The following RARB variants were observed in gnomAD, a reference collection of about 807,000 sequenced individuals.
RARB encodes HBV-activated protein.
A neutral mutation model predicts 51.9 loss-of-function variants in RARB; 17 were observed. The observed-to-expected ratio is 0.33, with a 90% CI of 0.22 to 0.49. RARB has a LOEUF of 0.49. Among genes scored for constraint, RARB ranks in the 20% least tolerant of loss-of-function variants. The pLI, the probability that RARB is intolerant of heterozygous loss-of-function variation, is 0.99. For missense variants in RARB, 369 were observed against 550.8 expected (o/e 0.67, Z 3.30); for synonymous variants, 215 against 195.4 (o/e 1.10, Z -0.84).
At chr3:25,354,529 A>G (rs1186637144) in intron 5 of RARB, among the ~76,000 whole-genome samples, 1 of 152,158 alleles carries the variant, frequency 6.6e-6, no homozygotes, top group Non-Finnish European at 1.5e-5. Flanking sequence ...ATCATAAGCC[A>G]TGGAATACCT....
At chr3:25,153,468 T>TGG (rs145779320) in intron 4 of RARB, among the ~76,000 whole-genome samples, 12,873 of 152,218 alleles carry the variant, frequency 0.085, 715 homozygotes, top group Non-Finnish European at 0.13. Flanking sequence ...TTGTACGACT[T>TGG]CTGCTGTTAT....
chr3:25,367,117 A>G (rs1284513184), intron 5 of RARB, among the ~76,000 whole-genome samples: 4 of 152,184 alleles, frequency 2.6e-5, no homozygotes, highest in African/African-American at 9.6e-5. Context: ...TCTAAAAAAG[A>G]TTCTCTCCAG....
chr3:25,581,192 C>T (rs552826472), intron 5 of RARB, among the ~76,000 whole-genome samples: 42 of 152,260 alleles, frequency 2.8e-4, no homozygotes, highest in African/African-American at 5.5e-4. Flanking sequence ...GGAGTGCGTT[C>T]GTGTGCTTAA....
chr3:25,593,411 T>C, intron 5 of RARB, 92 bp from the exon 6 acceptor site: 1 of 1,234,508 alleles, frequency 8.1e-7, no homozygotes, highest in Non-Finnish European at 1.2e-6. Flanking sequence ...AAGAGCTCCT[T>C]GGAAATCTTC....
intron 5 of RARB, among the ~76,000 whole-genome samples, chr3:25,210,529 C>CTTTTTTTTTTTTTTGTTTTTTTTTTTTT (rs1701667980): frequency 3.6e-5 from 1 of 27,618 alleles, no homozygotes; most frequent in Non-Finnish European, 8.7e-5. Flanking sequence ...TTATCTGATT[C>CTTTTTTTTTTTTTTGTTTTTTTTTTTTT]TTTTTTTTTT....
chr3:25,334,836 A>G (rs975473527), intron 5 of RARB, among the ~76,000 whole-genome samples: 4 of 152,212 alleles, frequency 2.6e-5, no homozygotes, highest in Admixed American at 6.5e-5. Flanking sequence ...ATGTATGTAT[A>G]TTACTTTCAC....
intron 5 of RARB, among the ~76,000 whole-genome samples, chr3:25,356,527 T>TA (rs998846445): frequency 3.1e-4 from 47 of 151,900 alleles, no homozygotes; most frequent in African/African-American, 1.1e-3. Flanking sequence ...TCTTTTTTTT[T>TA]ATTATACTTT....
At chr3:25,492,281 T>C (rs1353510769) in intron 2 of RARB, among the ~76,000 whole-genome samples, 2 of 152,228 alleles carry the variant, frequency 1.3e-5, no homozygotes, top group Admixed American at 1.3e-4. Context: ...TAGAAAAAGA[T>C]ATATTTTCAC....
At chr3:25,262,896 A>G (rs1703040067) in intron 5 of RARB, among the ~76,000 whole-genome samples, 1 of 152,176 alleles carries the variant, frequency 6.6e-6, no homozygotes, top group Non-Finnish European at 1.5e-5. Flanking sequence ...ATTCCACATT[A>G]GTAAATATTG....
Position 24,877,346 on chromosome 3 carries a change from C to CTTTTTTTAT in RARB, c.-380+18601_-380+18602insATTTTTTTT, listed in dbSNP as rs1553609940. ...ATAGTAATTTTTTAAAGCAATCTTA[C>CTTTTTTTAT]TTTTTTTTTTTTTTTTTGGAAAATT... is the stretch of plus-strand genomic sequence containing the variant. On this transcript the variant is annotated intron_variant, in intron 2 of 11. Coordinates refer to the RARB transcript ENST00000383772. Among the ~76,000 whole-genome samples the CTTTTTTTAT allele has an allele frequency of 3.7e-5, 3 of 81,892 alleles. 1 individual carries two copies. Among genetic ancestry groups the CTTTTTTTAT allele is most frequent in the Non-Finnish European group, 6.5e-5 (3 of 45,932 alleles). 53.7% of individuals were successfully genotyped at this position (81,892 alleles called of 152,430 possible).
chr3:25,354,552 A>G (rs1296184394), intron 5 of RARB, among the ~76,000 whole-genome samples: 2 of 152,176 alleles, frequency 1.3e-5, no homozygotes, highest in Non-Finnish European at 2.9e-5. Context: ...CCATGGTACA[A>G]GCAAACCGAG....
intron 5 of RARB, among the ~76,000 whole-genome samples, chr3:25,343,503 A>AGC (rs1473439378): frequency 1.3e-5 from 2 of 151,956 alleles, no homozygotes; most frequent in South Asian, 2.1e-4. Context: ...TAGAACATGA[A>AGC]GCCCTGAGTT....
chr3:25,311,865 C>A (rs1368390733), intron 5 of RARB, among the ~76,000 whole-genome samples: 2 of 152,180 alleles, frequency 1.3e-5, no homozygotes, highest in African/African-American at 2.4e-5. Context: ...TGGATACTCA[C>A]ACTCAAGCTC....
chr3:25,587,277 A>C (rs538084101), intron 5 of RARB, among the ~76,000 whole-genome samples: 1 of 152,334 alleles, frequency 6.6e-6, no homozygotes, highest in Non-Finnish European at 1.5e-5. Flanking sequence ...GCTGCTAGGC[A>C]ATAGCACCTG....
At chr3:24,919,968 T>C (rs1470575943) in intron 2 of RARB, among the ~76,000 whole-genome samples, 1 of 152,214 alleles carries the variant, frequency 6.6e-6, no homozygotes, top group Non-Finnish European at 1.5e-5. Flanking sequence ...AACATGTTCA[T>C]TTTGTAATAA....
At chr3:25,508,894 T>TAAA (rs11369682) in intron 3 of RARB, among the ~76,000 whole-genome samples, 8 of 146,784 alleles carry the variant, frequency 5.5e-5, no homozygotes, top group African/African-American at 1.5e-4. Context: ...TTAGGAGATT[T>TAAA]AAAAAAAAAA....
In RARB at chr3:25,240,230, G is replaced by A. The variant is rs1223976594; in HGVS notation, c.178+65655G>A. Among the ~76,000 whole-genome samples the A allele has an allele frequency of 4.6e-5, 7 of 152,084 alleles. No individual in the cohort carries two copies. The East Asian group carries it at 9.7e-4, about 21-fold the overall frequency. ...TTTATTAGGTGTAAGAATTTTGGTGGAGTCTTTAGGTTTTTCTAGATATAA... is the reference window on the plus strand; with the variant it reads ...TTTATTAGGTGTAAGAATTTTGGTGAAGTCTTTAGGTTTTTCTAGATATAA... On this transcript the variant is annotated intron_variant, in intron 5 of 11. Transcript: ENST00000383772.
rs923131968 is a variant in RARB at position 25,320,465 on chromosome 3, G to A, written c.179-140728G>A. ...CTTTCCAGGGCCAGGACATACAACC[G>A]AAAGTTTGGCCAATGAGAGGCCTGT... On this transcript the variant is annotated intron_variant, in intron 5 of 11. Coordinates refer to the RARB transcript ENST00000383772. 2.6e-5 allele frequency among the ~76,000 whole-genome samples: 4 copies of A among 152,100 alleles called. No individual in the cohort carries two copies. In the East Asian group the frequency reaches 5.8e-4, roughly 22 times the overall value.
Position 25,136,712 on chromosome 3 carries a change from T to C in RARB, c.-280+4504T>C, listed in dbSNP as rs542264869. 7.2e-5 allele frequency among the ~76,000 whole-genome samples: 11 copies of C among 152,000 alleles called. No individual in the cohort carries two copies. The East Asian group carries it at 1.4e-3, about 19-fold the overall frequency. Reference sequence around the variant, plus strand: ...GTGTGCTAACTGGGAGGGAAGATGATTTAATAGGTGTAGTAGGACTGGATT... The same window carrying C: ...GTGTGCTAACTGGGAGGGAAGATGACTTAATAGGTGTAGTAGGACTGGATT... On this transcript the variant is annotated intron_variant, in intron 4 of 11. Transcript: ENST00000383772.
Sources: allele counts gnomAD v4.1 joint callset (sites outside exome capture counted in the v4.1 genomes callset), GRCh38; gene constraint gnomAD v4.1.1; transcripts MANE v1.5; gene names NCBI Gene and HGNC (gene_info 2026-07-23, HGNC 2026-07-21).